Variants in LRP4 observed in about 807,000 individuals in gnomAD.
LRP4 encodes the protein low-density lipoprotein receptor-related protein 4.
In LRP4, 95 loss-of-function variants were observed where a neutral mutation model predicts 220.3. That is an observed-to-expected ratio of 0.43 (90% CI 0.37 to 0.51). LRP4 has a LOEUF of 0.51. Among genes scored for constraint, LRP4 ranks in the 20% least tolerant of loss-of-function variants. The pLI, the probability that LRP4 is intolerant of heterozygous loss-of-function variation, is 0.00. For missense variants in LRP4, 1,925 were observed against 2,567.0 expected (o/e 0.75, Z 5.40); for synonymous variants, 903 against 954.6 (o/e 0.95, Z 1.00).
intron 1 of LRP4, among the ~76,000 whole-genome samples, chr11:46,910,257 T>C (rs1941836959): frequency 6.6e-6 from 1 of 152,220 alleles, no homozygotes; most frequent in Non-Finnish European, 1.5e-5. Context: ...ATAAAAATCC[T>C]GACTCTGCTA....
intron 1 of LRP4, 127 bp from the exon 2 acceptor site, chr11:46,903,056 G>A: frequency 9.0e-7 from 1 of 1,112,272 alleles, no homozygotes; most frequent in East Asian, 2.5e-5. Flanking sequence ...ACACTTCAAG[G>A]GAGATGCAGG....
chr11:46,882,151 G>A (rs1418507538), intron 19 of LRP4, among the ~76,000 whole-genome samples: 1 of 152,154 alleles, frequency 6.6e-6, no homozygotes, highest in Non-Finnish European at 1.5e-5. Context: ...CAAATAAAGT[G>A]TACATGGGAA....
At chr11:46,911,747 T>C (rs898369210) in intron 1 of LRP4, among the ~76,000 whole-genome samples, 2 of 152,018 alleles carry the variant, frequency 1.3e-5, no homozygotes, top group African/African-American at 4.8e-5. Flanking sequence ...ACCTAGATCT[T>C]CTGGGATAGC....
At chr11:46,916,701 AT>A (rs532846709) in intron 1 of LRP4, among the ~76,000 whole-genome samples, 1,442 of 142,698 alleles carry the variant, frequency 0.01, 9 homozygotes, top group East Asian at 0.027. Flanking sequence ...TTTAACCCTA[AT>A]TTTTTTTTTT....
At chr11:46,907,034 T>C (rs1941771196) in intron 1 of LRP4, among the ~76,000 whole-genome samples, 1 of 152,318 alleles carries the variant, frequency 6.6e-6, no homozygotes, top group Admixed American at 6.5e-5. Context: ...AATTCTGCCT[T>C]TTCACTCAAG....
chr11:46,903,926 G>A (rs776639529), intron 1 of LRP4, among the ~76,000 whole-genome samples: 2 of 152,140 alleles, frequency 1.3e-5, no homozygotes, highest in Admixed American at 6.5e-5. Context: ...ATTGAGCATC[G>A]AGCTATCTGC....
Position 46,894,831 on chromosome 11 carries a change from T to C in LRP4, c.1310-12A>G. On this transcript the variant is annotated splice_polypyrimidine_tract_variant and intron_variant, in intron 11 of 37. Coordinates refer to ENST00000378623, the MANE Select transcript of LRP4 (RefSeq NM_002334.4). The stretch of plus-strand genomic sequence containing the variant: ...CACAGGCTCTGGCCCTGGGAAACAG[T>C]ATAAACATGGGATACCCACTGGGTT... 6.2e-7 allele frequency: 1 copy of C among 1,611,182 alleles called. No individual in the cohort carries two copies. Among genetic ancestry groups the C allele is most frequent in the Non-Finnish European group, 8.5e-7 (1 of 1,177,450 alleles).
rs1411951829 is a variant in LRP4, at chr11:46,888,082, G to C, written c.2215+1329C>G. Among the ~76,000 whole-genome samples, 5 of 147,624 alleles carry C rather than the reference G, an allele frequency of 3.4e-5. No homozygotes were observed. In the East Asian group the frequency reaches 9.9e-4, roughly 29 times the overall value. On this transcript the variant is annotated intron_variant, in intron 16 of 37. Transcript: ENST00000378623. ...CTTATGCCTGTAATCCCAACACTTT[G>C]GAAGGCAGAGGCGGGCAGGTCATGA...
intron 21 of LRP4, 38 bp downstream of exon 21, chr11:46,879,088 G>A (rs776637994): frequency 5.1e-5 from 83 of 1,614,104 alleles, no homozygotes; most frequent in Non-Finnish European, 6.9e-5. Flanking sequence ...GGCATAGGAG[G>A]GCCACGGAGA....
At chr11:46,870,025 G>A (rs1381372103) in intron 31 of LRP4, among the ~76,000 whole-genome samples, 1 of 151,928 alleles carries the variant, frequency 6.6e-6, no homozygotes, top group Non-Finnish European at 1.5e-5. Context: ...AGAGTCACTT[G>A]AACCCAGGAG....
intron 20 of LRP4, among the ~76,000 whole-genome samples, chr11:46,879,732 C>T (rs1175879358): frequency 6.6e-6 from 1 of 152,222 alleles, no homozygotes; most frequent in Non-Finnish European, 1.5e-5. Flanking sequence ...CATGACTTCA[C>T]TTAGTGTAGT....
At position 46,899,790 on chromosome 11, in the gene LRP4, T is replaced by G. The variant is rs1237670042; in HGVS notation, c.430+73A>C. 1.6e-6 allele frequency: 2 copies of G among 1,232,024 alleles called. No individual in the cohort carries two copies. The allele number at this position is 1,232,024 out of a possible 1,614,324, so 76.3% of individuals were successfully genotyped here. A position where few individuals can be genotyped will look rare whatever the true frequency, so the allele number is the denominator to read the frequency against. On this transcript the variant is annotated intron_variant, in intron 4 of 37. Transcript: ENST00000378623. This position sits in a 1 kb window ranked among gnomAD's most constrained non-coding sequence, Gnocchi z 5.9. ...GGAGGTTTGGCAGTGCTAGGGCCAT[T>G]GCTGCTATCTTCTCCCATGGCCAGG... is the stretch of plus-strand genomic sequence containing the variant.
chr11:46,889,752 T>G (rs1419028156), intron 15 of LRP4, 192 bp downstream of exon 15: 2 of 842,604 alleles, frequency 2.4e-6, no homozygotes, highest in African/African-American at 1.7e-5. Flanking sequence ...TGAAGTCTAA[T>G]GAATCTTTTC....
intron 32 of LRP4, 92 bp from the exon 33 acceptor site, chr11:46,868,805 C>A: frequency 8.0e-7 from 1 of 1,249,228 alleles, no homozygotes; most frequent in Non-Finnish European, 1.2e-6. Flanking sequence ...CAGGATTACC[C>A]TACTCCCAGG....
chr11:46,906,340 C>T (rs1285593891), intron 1 of LRP4, among the ~76,000 whole-genome samples: 2 of 151,930 alleles, frequency 1.3e-5, no homozygotes, highest in African/African-American at 2.4e-5. Flanking sequence ...CCTGTAGTCC[C>T]AGCTACTTGG....
chr11:46,877,414 A>T, intron 22 of LRP4, 75 bp from the exon 23 acceptor site: 2 of 1,468,520 alleles, frequency 1.4e-6, no homozygotes, highest in Non-Finnish European at 1.9e-6. Flanking sequence ...GCAAACTGAA[A>T]CTCATGCCCT....
Position 46,875,974 on chromosome 11 carries a change from AG to A in LRP4, c.3537-9del, listed in dbSNP as rs1175960364. ...TCTGTCCAGTACATAAACCTGAGTG[AG>A]GAAGAATATTAGCTATATTAGCTAG... On this transcript the variant is annotated splice_polypyrimidine_tract_variant and intron_variant, in intron 25 of 37. Coordinates refer to ENST00000378623, the MANE Select transcript of LRP4 (RefSeq NM_002334.4). This position sits in a 1 kb window ranked among gnomAD's most constrained non-coding sequence, Gnocchi z 4.5. The A allele has an allele frequency of 6.2e-7, 1 of 1,613,962 alleles. No homozygotes were observed. Among genetic ancestry groups the A allele is most frequent in the South Asian group, 1.1e-5 (1 of 91,078 alleles).
chr11:46,903,591 T>C (rs1941708982), intron 1 of LRP4, among the ~76,000 whole-genome samples: 1 of 152,214 alleles, frequency 6.6e-6, no homozygotes, highest in Non-Finnish European at 1.5e-5. Flanking sequence ...GAAAGGGTGA[T>C]GTTGAGAGGC....
rs1213443089 is a variant in LRP4, at chr11:46,858,900, G to A, written c.*83C>T. 15 of 1,305,242 alleles carry A rather than the reference G, an allele frequency of 1.1e-5. No homozygotes were observed. Among genetic ancestry groups the A allele is most frequent in the African/African-American group, 7.3e-5 (5 of 68,956 alleles). 80.9% of individuals were successfully genotyped at this position (1,305,242 alleles called of 1,614,324 possible). On this transcript the variant is annotated 3_prime_UTR_variant, in exon 38 of 38. Coordinates refer to ENST00000378623, the MANE Select transcript of LRP4 (RefSeq NM_002334.4). ...AGGAGGAGGACAAGCACACAGAAGC[G>A]GGGCCTGCGGTGTAAGCGAGCACAA...
Sources: gnomAD v4.1 joint callset for allele counts (sites outside exome capture counted in the v4.1 genomes callset) on GRCh38, gnomAD v4.1.1 for gene constraint, Gnocchi (gnomAD v3.1) non-coding constraint, MANE v1.5 for transcripts, NCBI Gene and HGNC (gene_info 2026-07-23, HGNC 2026-07-21) for gene names.